The following TMPRSS11F variants were observed in gnomAD, a reference collection of about 807,000 sequenced individuals.
The protein encoded by TMPRSS11F is transmembrane protease serine 11F.
TMPRSS11F carries 47 observed loss-of-function variants against 60.2 expected under a neutral mutation model. The ratio of observed to expected loss-of-function variants is 0.78; its 90% CI spans 0.62 to 1.00. TMPRSS11F has a LOEUF of 1.00. Among genes scored for constraint, TMPRSS11F ranks in the 50% least tolerant of loss-of-function variants. The probability of loss-of-function intolerance (pLI) is 0.00; values close to 1 mark genes in which losing one functional copy is unlikely to be tolerated. For synonymous variants in TMPRSS11F, 166 were observed against 167.3 expected (o/e 0.99, Z 0.06); for missense variants, 519 against 522.9 (o/e 0.99, Z 0.07).
intron 6 of TMPRSS11F, 38 bp downstream of exon 6, chr4:68,069,930 CT>C (rs1157022871): frequency 6.6e-7 from 1 of 1,525,470 alleles, no homozygotes; most frequent in South Asian, 1.3e-5. Context: ...TGATCTTTTA[CT>C]GTGAAATAAA....
intron 1 of TMPRSS11F, among the ~76,000 whole-genome samples, chr4:68,111,194 G>A (rs1724404448): frequency 6.6e-6 from 1 of 151,944 alleles, no homozygotes; most frequent in Admixed American, 6.6e-5. Flanking sequence ...TTTCCCAGTT[G>A]GAGCTTATAC....
At chr4:68,124,628 T>C (rs745339269) in intron 1 of TMPRSS11F, among the ~76,000 whole-genome samples, 4 of 152,248 alleles carry the variant, frequency 2.6e-5, no homozygotes, top group Non-Finnish European at 5.9e-5. Flanking sequence ...CTTCTGCCTG[T>C]TCAGGTTTAT....
chr4:68,112,543 G>A (rs1724427488), intron 1 of TMPRSS11F, among the ~76,000 whole-genome samples: 4 of 152,080 alleles, frequency 2.6e-5, no homozygotes, highest in Admixed American at 2.6e-4. Flanking sequence ...GAGCCCAGGA[G>A]TTACAGTACA....
intron 1 of TMPRSS11F, among the ~76,000 whole-genome samples, chr4:68,122,364 A>G (rs1180524480): frequency 2.0e-5 from 3 of 152,168 alleles, no homozygotes; most frequent in Non-Finnish European, 4.4e-5. Flanking sequence ...AATTTATTAT[A>G]GTACTGTATC....
At chr4:68,087,928 T>C (rs1723848891) in intron 3 of TMPRSS11F, among the ~76,000 whole-genome samples, 1 of 141,786 alleles carries the variant, frequency 7.1e-6, no homozygotes, top group Non-Finnish European at 1.5e-5. Context: ...GTCCATGTGT[T>C]CTCATTGTTC....
chr4:68,056,045 A>G (rs1275292102), intron 9 of TMPRSS11F, among the ~76,000 whole-genome samples: 2 of 152,210 alleles, frequency 1.3e-5, no homozygotes, highest in Admixed American at 6.5e-5. Flanking sequence ...GTCAAACACA[A>G]TAAAAGCCAT....
intron 1 of TMPRSS11F, among the ~76,000 whole-genome samples, chr4:68,119,656 T>C (rs1261438778): frequency 6.6e-6 from 1 of 152,140 alleles, no homozygotes; most frequent in African/African-American, 2.4e-5. Context: ...ATATTTTAAG[T>C]CCACCGTTGA....
chr4:68,079,530 A>G (rs1723651387), intron 3 of TMPRSS11F, among the ~76,000 whole-genome samples: 1 of 152,120 alleles, frequency 6.6e-6, no homozygotes, highest in Admixed American at 6.6e-5. Context: ...GGGGTAGGGG[A>G]ACTATTCCTC....
At chr4:68,073,726 C>T (rs965129757) in intron 4 of TMPRSS11F, among the ~76,000 whole-genome samples, 3 of 152,092 alleles carry the variant, frequency 2.0e-5, no homozygotes, top group Non-Finnish European at 4.4e-5. Context: ...GTGTTTGTTT[C>T]CTCTTTTTGT....
intron 3 of TMPRSS11F, among the ~76,000 whole-genome samples, chr4:68,089,837 G>T (rs1259579662): frequency 6.6e-6 from 1 of 151,994 alleles, no homozygotes; most frequent in African/African-American, 2.4e-5. Context: ...GCTCTATTTG[G>T]CCATTAATTC....
At chr4:68,123,480 A>G (rs911235406) in intron 1 of TMPRSS11F, among the ~76,000 whole-genome samples, 1 of 152,222 alleles carries the variant, frequency 6.6e-6, no homozygotes, top group Non-Finnish European at 1.5e-5. Flanking sequence ...GAGCCCAACC[A>G]CAATATCCCA....
At chr4:68,083,175 C>A (rs916918572) in intron 3 of TMPRSS11F, among the ~76,000 whole-genome samples, 1 of 152,184 alleles carries the variant, frequency 6.6e-6, no homozygotes, top group East Asian at 1.9e-4. Context: ...TACCCCACAA[C>A]CTGCTCTGAC....
chr4:68,100,795 C>G (rs571317513), intron 1 of TMPRSS11F, among the ~76,000 whole-genome samples: 36 of 151,810 alleles, frequency 2.4e-4, no homozygotes, highest in Non-Finnish European at 4.6e-4. Context: ...TTATATGATT[C>G]TAATAAAGCA....
intron 1 of TMPRSS11F, among the ~76,000 whole-genome samples, chr4:68,111,486 C>T (rs1174954332): frequency 1.3e-5 from 2 of 152,086 alleles, no homozygotes; most frequent in African/African-American, 4.8e-5. Flanking sequence ...GTGATAATGG[C>T]CCTAAATTTC....
chr4:68,054,018 A>G lies in TMPRSS11F; in HGVS notation c.1208T>C (p.Ile403Thr). Residue 403 changes from isoleucine (I) to threonine (T), a missense_variant, in exon 10 of 10, where the codon ATT becomes ACT. Ile to Thr is a moderately conservative substitution (Grantham distance 89, BLOSUM62 -1). Transcript: ENST00000356291. ...TTGTCCCCAACTTACTATACCTACA[A>G]TGTACCAGATGTCATGATTATCATA... The part of the protein sequence containing the change: ...LVYDNHDIWY[I>T]VGIVSWGQSC... The G allele has an allele frequency of 1.2e-6, 2 of 1,613,408 alleles. No homozygotes were observed. The highest frequency in any genetic ancestry group is 1.7e-6 in the Non-Finnish European group (2 of 1,179,466).
intron 2 of TMPRSS11F, among the ~76,000 whole-genome samples, chr4:68,094,611 T>G (rs2109868055): frequency 6.6e-6 from 1 of 151,512 alleles, no homozygotes; most frequent in East Asian, 1.9e-4. Flanking sequence ...CAAGGTATGC[T>G]TGGCTCTTGG....
chr4:68,118,427 A>T (rs1724566546), intron 1 of TMPRSS11F, among the ~76,000 whole-genome samples: 1 of 152,188 alleles, frequency 6.6e-6, no homozygotes, highest in South Asian at 2.1e-4. Flanking sequence ...TATTACACGT[A>T]TACAAAAACA....
At chr4:68,108,404 A>G (rs539442262) in intron 1 of TMPRSS11F, among the ~76,000 whole-genome samples, 1 of 152,324 alleles carries the variant, frequency 6.6e-6, no homozygotes. Context: ...GAGGGTGTAC[A>G]GAAGTCTGCC....
chr4:68,082,269 T>A (rs952092648), intron 3 of TMPRSS11F, among the ~76,000 whole-genome samples: 3 of 152,128 alleles, frequency 2.0e-5, no homozygotes, highest in African/African-American at 7.2e-5. Flanking sequence ...ACAACCCCCA[T>A]AGATACTTGA....
Sources: allele counts gnomAD v4.1 joint callset (sites outside exome capture counted in the v4.1 genomes callset), GRCh38; gene constraint gnomAD v4.1.1; transcripts MANE v1.5; gene names NCBI Gene and HGNC (gene_info 2026-07-23, HGNC 2026-07-21).